Variants in GLI2 observed in about 807,000 individuals in gnomAD.
GLI2 encodes the protein GLI family zinc finger 2.
A neutral mutation model predicts 78.9 loss-of-function variants in GLI2; 22 were observed. That is an observed-to-expected ratio of 0.28 (90% CI 0.20 to 0.40). The LOEUF is 0.40. Ranked by LOEUF, GLI2 falls within the 10% of genes least tolerant of loss-of-function variation. The probability of loss-of-function intolerance (pLI) is 1.00; values close to 1 mark genes in which losing one functional copy is unlikely to be tolerated. For synonymous variants in GLI2, 974 were observed against 963.7 expected (o/e 1.01, Z -0.20); for missense variants, 2,097 against 2,213.2 (o/e 0.95, Z 1.05).
chr2:120,931,632 C>T (rs1679947055), intron 3 of GLI2, among the ~76,000 whole-genome samples: 1 of 152,166 alleles, frequency 6.6e-6, no homozygotes, highest in Non-Finnish European at 1.5e-5. Context: ...TGCAGCAGGC[C>T]AGGCACGGCC....
intron 2 of GLI2, among the ~76,000 whole-genome samples, chr2:120,919,832 G>T (rs184192350): frequency 3.0e-5 from 1 of 33,480 alleles, no homozygotes; most frequent in East Asian, 2.0e-3. Flanking sequence ...CCTCCTACAT[G>T]GTGACCCTGG....
intron 2 of GLI2, among the ~76,000 whole-genome samples, chr2:120,823,916 T>G (rs1428033857): frequency 6.6e-6 from 1 of 152,262 alleles, no homozygotes; most frequent in Non-Finnish European, 1.5e-5. Context: ...TCCACGTCAC[T>G]GTGTAATTTG....
At chr2:120,945,972 C>CACACACAG (rs1476916621) in intron 3 of GLI2, among the ~76,000 whole-genome samples, 5 of 151,680 alleles carry the variant, frequency 3.3e-5, no homozygotes, top group African/African-American at 1.2e-4. Context: ...CACACACACA[C>CACACACAG]ACACACACAC....
chr2:120,948,655 G>A (rs576357671), intron 3 of GLI2, among the ~76,000 whole-genome samples: 2 of 152,306 alleles, frequency 1.3e-5, no homozygotes, highest in Admixed American at 6.5e-5. Flanking sequence ...TGGACAGACT[G>A]GGCCTGCTGT....
intron 1 of GLI2, among the ~76,000 whole-genome samples, chr2:120,771,465 A>G (rs958082068): frequency 6.6e-6 from 1 of 152,206 alleles, no homozygotes; most frequent in Non-Finnish European, 1.5e-5. Flanking sequence ...CTTTCAACTT[A>G]GAGTTCTTGA....
intron 3 of GLI2, among the ~76,000 whole-genome samples, chr2:120,927,981 C>A (rs758181892): frequency 4.6e-5 from 7 of 152,172 alleles, no homozygotes; most frequent in Non-Finnish European, 8.8e-5. Context: ...TGTGGGGTCA[C>A]CCTGTGGTCT....
At chr2:120,844,892 G>T (rs763752869) in intron 2 of GLI2, among the ~76,000 whole-genome samples, 21 of 152,154 alleles carry the variant, frequency 1.4e-4, no homozygotes, top group Admixed American at 4.6e-4. Context: ...ATGATTCCAG[G>T]TGATGAACGT....
At position 120,989,142 on chromosome 2, in the gene GLI2, C is replaced by T. The variant is rs1398200276; in HGVS notation, c.3177C>T (p.Gly1059=). ...AGTACATCAAGGCGCACGCCAGTGG[C>T]GCTCTGGACGAGGGCACCGGGCAGG... ...VVQYIKAHAS[G]ALDEGTGQVY... is the part of the protein sequence containing the mutation. Residue 1059 remains glycine, a synonymous_variant, in exon 14 of 14, where the codon GGC becomes GGT. Coordinates refer to ENST00000361492, the MANE Select transcript of GLI2 (RefSeq NM_001374353.1). The T allele has an allele frequency of 2.5e-6, 4 of 1,613,050 alleles. No individual in the cohort carries two copies. Among genetic ancestry groups the T allele is most frequent in the Non-Finnish European group, 3.4e-6 (4 of 1,179,970 alleles).
rs142119594 is a variant in GLI2 at position 120,989,697 on chromosome 2, G to A, written c.3732G>A (p.Gly1244=). 1.2e-6 allele frequency: 2 copies of A among 1,613,328 alleles called. No homozygotes were observed. Among genetic ancestry groups the A allele is most frequent in the South Asian group, 1.1e-5 (1 of 91,078 alleles). Residue 1244 remains glycine, a synonymous_variant, in exon 14 of 14, where the codon GGG becomes GGA. Transcript: ENST00000361492. ...HPQLSPSTIS[G]ALNQFPQSCS... The stretch of plus-strand genomic sequence containing the variant: ...AGCTGAGCCCCAGCACCATCAGTGG[G>A]GCCCTCAACCAGTTCCCCCAATCCT...
At chr2:120,954,630 C>G (rs1681152767) in intron 4 of GLI2, among the ~76,000 whole-genome samples, 1 of 152,190 alleles carries the variant, frequency 6.6e-6, no homozygotes, top group Non-Finnish European at 1.5e-5. Flanking sequence ...TTTCCTGACA[C>G]CACCCTGCTG....
chr2:120,882,907 G>T (rs1204454162), intron 2 of GLI2, among the ~76,000 whole-genome samples: 1 of 152,022 alleles, frequency 6.6e-6, no homozygotes, highest in African/African-American at 2.4e-5. Context: ...AATGTATACG[G>T]TTGTGTAACC....
rs77162783 is a variant in GLI2 at position 120,927,677 on chromosome 2, G to A, written c.254+211G>A. ...CAGTGTATAAACACCAACCACCCCC[G>A]AGCCCACATCACCACTTATAAGGCT... On this transcript the variant is annotated intron_variant, in intron 3 of 13. Transcript: ENST00000361492. Among the ~76,000 whole-genome samples the A allele has an allele frequency of 0.053, 8,122 of 152,212 alleles. 684 individuals are homozygous for A. Among genetic ancestry groups the A allele is most frequent in the African/African-American group, 0.18 (7,475 of 41,520 alleles).
intron 2 of GLI2, among the ~76,000 whole-genome samples, chr2:120,806,183 G>A (rs923444920): frequency 6.6e-6 from 1 of 152,114 alleles, no homozygotes; most frequent in African/African-American, 2.4e-5. Flanking sequence ...TTTATTTTAT[G>A]TTTGTGGCCA....
chr2:120,836,492 A>G (rs1686618218), intron 2 of GLI2, among the ~76,000 whole-genome samples: 1 of 152,198 alleles, frequency 6.6e-6, no homozygotes, highest in Non-Finnish European at 1.5e-5. Context: ...GGTAATTTAC[A>G]TTATTTACAC....
intron 5 of GLI2, among the ~76,000 whole-genome samples, chr2:120,955,676 CAATGGGGAGA>C (rs1294767895): frequency 6.6e-6 from 1 of 152,028 alleles, no homozygotes; most frequent in Non-Finnish European, 1.5e-5. Context: ...ACTTACAGTG[CAATGGGGAGA>C]AACAGATGCC....
At chr2:120,742,275 G>T (rs1682572735) in intron 1 of GLI2, among the ~76,000 whole-genome samples, 1 of 152,142 alleles carries the variant, frequency 6.6e-6, no homozygotes, top group Non-Finnish European at 1.5e-5. Flanking sequence ...AAACCTCTTA[G>T]CGCTCAGAAA....
intron 1 of GLI2, among the ~76,000 whole-genome samples, chr2:120,795,777 C>T (rs928179813): frequency 2.0e-5 from 3 of 152,002 alleles, no homozygotes; most frequent in Non-Finnish European, 4.4e-5. Context: ...CGGCCAGGTG[C>T]GGTGGCTCAC....
At position 120,954,518 on chromosome 2, in the gene GLI2, G is replaced by C. The variant is rs756501565; in HGVS notation, c.458-727G>C. Among the ~76,000 whole-genome samples the C allele has an allele frequency of 3.3e-5, 5 of 152,164 alleles. No homozygotes were observed. The East Asian group carries it at 9.6e-4, about 29-fold the overall frequency. ...TGTCGAGACTGCTAACAGAGAGGCC[G>C]TAGTGCACAGTGGCTAGGAGCTTGC... On this transcript the variant is annotated intron_variant, in intron 4 of 13. Transcript: ENST00000361492.
At chr2:120,947,227 G>A (rs553615920) in intron 3 of GLI2, among the ~76,000 whole-genome samples, 1 of 152,344 alleles carries the variant, frequency 6.6e-6, no homozygotes, top group South Asian at 2.1e-4. Context: ...GGCACAGGCA[G>A]GGGCTCCAGC....
Sources: gnomAD v4.1 joint callset for allele counts (sites outside exome capture counted in the v4.1 genomes callset) on GRCh38, gnomAD v4.1.1 for gene constraint, MANE v1.5 for transcripts, NCBI Gene and HGNC (gene_info 2026-07-23, HGNC 2026-07-21) for gene names.